GLYR1: variants seen among roughly 807,000 people sequenced by gnomAD.
GLYR1 encodes glyoxylate reductase 1 homolog, also known as cytokine-like nuclear factor N-PAC.
In GLYR1, 21 loss-of-function variants were observed where a neutral mutation model predicts 72.7. That is an observed-to-expected ratio of 0.29 (90% CI 0.20 to 0.42). GLYR1 has a LOEUF of 0.42. Among genes scored for constraint, GLYR1 ranks in the 10% least tolerant of loss-of-function variants. The probability of loss-of-function intolerance (pLI) is 1.00; values close to 1 mark genes in which losing one functional copy is unlikely to be tolerated. For synonymous variants in GLYR1, 392 were observed against 270.2 expected, an observed-to-expected ratio of 1.45 and a Z score of -4.42; for missense variants, 594 against 712.1, an observed-to-expected ratio of 0.83 and a Z score of 1.89.
At chr16:4,821,761 C>A in intron 7 of GLYR1, 164 bp from the exon 8 acceptor site, 3 of 656,722 alleles carry the variant, frequency 4.6e-6, no homozygotes, top group Non-Finnish European at 8.1e-6. Context: ...ATACACATTA[C>A]CTCATTCAAG....
intron 3 of GLYR1, chr16:4,840,427 G>A (rs1484628741): frequency 6.6e-6 from 1 of 152,148 alleles, no homozygotes; most frequent in Non-Finnish European, 1.5e-5. Context: ...ACATAAAGGT[G>A]GAATGATGCA....
intron 9 of GLYR1, 144 bp downstream of exon 9, chr16:4,821,236 T>A: frequency 1.3e-6 from 1 of 779,602 alleles, no homozygotes; most frequent in Non-Finnish European, 2.2e-6. Flanking sequence ...TCTTTATCGA[T>A]AAGAGTTACA....
intron 5 of GLYR1, among the ~76,000 whole-genome samples, chr16:4,824,510 A>C (rs949020857): frequency 1.3e-5 from 2 of 151,424 alleles, no homozygotes; most frequent in African/African-American, 2.4e-5. Context: ...AAAAAAAAAA[A>C]AAAAAGAAAA....
Position 4,805,203 on chromosome 16 carries a change from G to C in GLYR1, c.*33C>G, listed in dbSNP as rs746500860. ...TGTGAGGAAGAGGGGGTCAGAGGGG[G>C]GATTGGAGGGGTGAGGGCGGGGTGT... is the stretch of plus-strand genomic sequence containing the variant. On this transcript the variant is annotated 3_prime_UTR_variant, in exon 16 of 16. Transcript: ENST00000321919. The C allele has an allele frequency of 1.9e-6, 3 of 1,591,862 alleles. No homozygotes were observed. Among genetic ancestry groups the C allele is most frequent in the Non-Finnish European group, 2.6e-6 (3 of 1,160,598 alleles).
intron 7 of GLYR1, 54 bp downstream of exon 7, chr16:4,822,821 A>T: frequency 7.0e-7 from 1 of 1,438,414 alleles, no homozygotes; most frequent in Non-Finnish European, 9.8e-7. Flanking sequence ...CCAGTGGAGG[A>T]GCACTCCTTG....
intron 5 of GLYR1, among the ~76,000 whole-genome samples, chr16:4,830,221 C>CG (rs2084703020): frequency 8.1e-6 from 1 of 123,608 alleles, no homozygotes; most frequent in South Asian, 2.7e-4. Flanking sequence ...CCAACTTTGT[C>CG]TTTTTTTTTT....
intron 15 of GLYR1, among the ~76,000 whole-genome samples, chr16:4,805,673 T>C (rs1041132218): frequency 2.0e-5 from 3 of 152,114 alleles, no homozygotes; most frequent in Non-Finnish European, 4.4e-5. Context: ...AAACCTCATC[T>C]CTACTAAAAA....
chr16:4,813,407 C>T (rs1181390554), intron 12 of GLYR1, among the ~76,000 whole-genome samples: 2 of 152,218 alleles, frequency 1.3e-5, no homozygotes, highest in Non-Finnish European at 2.9e-5. Flanking sequence ...GGGCCAGATG[C>T]TCGGGGAGGA....
intron 3 of GLYR1, among the ~76,000 whole-genome samples, chr16:4,841,450 G>C (rs570564320): frequency 5.1e-5 from 4 of 77,966 alleles, no homozygotes; most frequent in Middle Eastern, 0.015. Context: ...GCGAGAACTT[G>C]TCTCTACAAA....
At position 4,817,407 on chromosome 16, in the gene GLYR1, C is replaced by T. The variant is rs559483239; in HGVS notation, c.906+191G>A. 3.1e-3 allele frequency among the ~76,000 whole-genome samples: 474 copies of T among 152,280 alleles called. 1 individual carries two copies. Among genetic ancestry groups the T allele is most frequent in the Admixed American group, 7.9e-3 (121 of 15,278 alleles). Reference sequence around the variant, plus strand: ...GTGCTGGGATTACAGGAGTGAGCCACCGCGCCAGGCAAATGTTTAGGTTTT... The same window carrying T: ...GTGCTGGGATTACAGGAGTGAGCCATCGCGCCAGGCAAATGTTTAGGTTTT... On this transcript the variant is annotated intron_variant, in intron 10 of 15. Transcript: ENST00000321919.
chr16:4,811,768 G>A lies in GLYR1; in HGVS notation c.1317C>T (p.Ile439=). 3 of 1,613,894 alleles carry A rather than the reference G, an allele frequency of 1.9e-6. No homozygotes were observed. Among genetic ancestry groups the A allele is most frequent in the Non-Finnish European group, 1.7e-6 (2 of 1,179,926 alleles). The change falls in exon 14 of 16, where the codon ATC becomes ATT. Residue 439 remains isoleucine, a synonymous_variant. Coordinates refer to ENST00000321919, the MANE Select transcript of GLYR1 (RefSeq NM_032569.4). ...TGAAGCTCCCTTGGACCATGTTCAC[G>A]ATCAGCATCATCTTGGCTGCATTGC... ...EVGNAAKMML[I]VNMVQGSFMA...
In GLYR1 at chr16:4,822,892, G is replaced by A. The variant is rs149923642; in HGVS notation, c.664C>T (p.Leu222=). The change falls in exon 7 of 16, where the codon CTA becomes TTA. Residue 222 remains leucine (L), a synonymous_variant. Coordinates refer to ENST00000321919, the MANE Select transcript of GLYR1 (RefSeq NM_032569.4). ...DADPHFHHFL[L]SQTEKPAVCY... ...CAACTCACCTTCTCTGTTTGGCTTA[G>A]CAGGAAATGATGGAAATGAGGATCT... The A allele has an allele frequency of 1.2e-6, 2 of 1,614,030 alleles. No individual in the cohort carries two copies. The highest frequency in any genetic ancestry group is 1.3e-5 in the African/African-American group (1 of 74,928).
chr16:4,836,969 G>A (rs1322172372), intron 3 of GLYR1, among the ~76,000 whole-genome samples: 2 of 152,134 alleles, frequency 1.3e-5, no homozygotes, highest in African/African-American at 4.8e-5. Flanking sequence ...AACTGCACCT[G>A]TAACACAGCC....
intron 1 of GLYR1, 64 bp downstream of exon 1, chr16:4,847,164 G>A: frequency 2.0e-6 from 3 of 1,490,676 alleles, no homozygotes; most frequent in Non-Finnish European, 2.8e-6. Flanking sequence ...GGCCGGCAGC[G>A]AACCCCGCGC....
chr16:4,822,214 G>T (rs1021769075), intron 7 of GLYR1, among the ~76,000 whole-genome samples: 6 of 152,188 alleles, frequency 3.9e-5, no homozygotes, highest in African/African-American at 1.4e-4. Flanking sequence ...AGACTCCCAA[G>T]TAGCTGGGAT....
intron 2 of GLYR1, 119 bp downstream of exon 2, chr16:4,846,055 A>C: frequency 9.4e-7 from 1 of 1,065,534 alleles, no homozygotes; most frequent in Non-Finnish European, 1.5e-6. Flanking sequence ...AAAAATTCTA[A>C]GTGCCATCTG....
At chr16:4,843,879 GA>G in intron 3 of GLYR1, 1 of 184,870 alleles carries the variant, frequency 5.4e-6, no homozygotes, top group South Asian at 6.8e-5. Flanking sequence ...TTGGGGGGGG[GA>G]GGGGCAGATG....
intron 15 of GLYR1, among the ~76,000 whole-genome samples, chr16:4,807,107 C>CTTTT (rs765039360): frequency 3.6e-5 from 4 of 110,888 alleles, no homozygotes; most frequent in African/African-American, 1.0e-4. Context: ...CGCCTGGCCC[C>CTTTT]TTTTTTTTTT....
At chr16:4,842,315 G>A (rs771267623) in intron 3 of GLYR1, among the ~76,000 whole-genome samples, 4 of 151,586 alleles carry the variant, frequency 2.6e-5, no homozygotes, top group Non-Finnish European at 5.9e-5. Flanking sequence ...AGTCTTCTTG[G>A]TTCTCATGGC....
Sources: allele counts gnomAD v4.1 joint callset (sites outside exome capture counted in the v4.1 genomes callset), GRCh38; gene constraint gnomAD v4.1.1; transcripts MANE v1.5; gene names NCBI Gene and HGNC (gene_info 2026-07-23, HGNC 2026-07-21).